The following NEK7 variants were observed in gnomAD, a reference collection of about 807,000 sequenced individuals.
NEK7 encodes the protein serine/threonine-protein kinase Nek7.
NEK7 carries 18 observed loss-of-function variants against 44.6 expected under a neutral mutation model. The ratio of observed to expected loss-of-function variants is 0.40; its 90% CI spans 0.28 to 0.60. The LOEUF is 0.60. NEK7 is among the 20% of genes least tolerant of loss of function. NEK7 has a pLI of 0.38. For missense variants in NEK7, 256 were observed against 366.5 expected (o/e 0.70, Z 2.46); for synonymous variants, 130 against 121.1 (o/e 1.07, Z -0.48).
At chr1:198,312,629 G>C (rs932231018) in intron 9 of NEK7, among the ~76,000 whole-genome samples, 3 of 151,614 alleles carry the variant, frequency 2.0e-5, no homozygotes, top group African/African-American at 4.8e-5. Context: ...AGAGATTCTT[G>C]TATGTTGTGT....
At chr1:198,265,558 A>G (rs1476030890) in intron 5 of NEK7, among the ~76,000 whole-genome samples, 1 of 152,050 alleles carries the variant, frequency 6.6e-6, no homozygotes, top group East Asian at 1.9e-4. Flanking sequence ...CGTCCTTGTG[A>G]TTGGTTAGGA....
chr1:198,158,689 C>A (rs1204457775), intron 1 of NEK7, among the ~76,000 whole-genome samples: 1 of 152,184 alleles, frequency 6.6e-6, no homozygotes, highest in Non-Finnish European at 1.5e-5. Context: ...TGTTGAATGG[C>A]CGCTGAGTAT....
chr1:198,320,995 G>T lies in NEK7; in HGVS notation c.*1473G>T, dbSNP rs1177104545. The T allele has an allele frequency of 6.6e-6, 1 of 152,216 alleles. No individual in the cohort carries two copies. Among genetic ancestry groups the T allele is most frequent in the East Asian group, 1.9e-4 (1 of 5,204 alleles). The allele number at this position is 152,216 out of a possible 1,614,324, so 9.4% of individuals were successfully genotyped here. A position where few individuals can be genotyped will look rare whatever the true frequency, so the allele number is the denominator to read the frequency against. The stretch of plus-strand genomic sequence containing the variant: ...TCTCACAGAATTGTGAAGCCTGAAG[G>T]CCAAGAGGAAGTCACTGTTAAAGGA... On this transcript the variant is annotated 3_prime_UTR_variant, in exon 10 of 10. Transcript: ENST00000367385.
At chr1:198,232,509 G>A (rs1019745999) in intron 1 of NEK7, 44 bp from the exon 2 acceptor site, 1 of 861,306 alleles carries the variant, frequency 1.2e-6, no homozygotes, top group Non-Finnish European at 2.0e-6. Context: ...GATGTGAATT[G>A]GTAATGATTA....
At chr1:198,193,382 A>G (rs1665135092) in intron 1 of NEK7, among the ~76,000 whole-genome samples, 1 of 152,186 alleles carries the variant, frequency 6.6e-6, no homozygotes, top group Admixed American at 6.5e-5. Context: ...TGGGAGGTAC[A>G]AAAAGGAGCT....
chr1:198,161,711 T>C (rs1469634952), intron 1 of NEK7, among the ~76,000 whole-genome samples: 1 of 152,110 alleles, frequency 6.6e-6, no homozygotes, highest in African/African-American at 2.4e-5. Context: ...CATTCTTTGC[T>C]TCTGGAGGAT....
Position 198,321,656 on chromosome 1 carries a change from CTT to C in NEK7, c.*2138_*2139del, listed in dbSNP as rs1655537297. 2.0e-5 allele frequency: 3 copies of C among 152,012 alleles called. No homozygotes were observed. The South Asian group carries it at 6.2e-4, about 31-fold the overall frequency. 9.4% of individuals were successfully genotyped at this position (152,012 alleles called of 1,614,324 possible). On this transcript the variant is annotated 3_prime_UTR_variant, in exon 10 of 10. Transcript: ENST00000367385. ...AATTCATTATTTCTATATGTGGAAA[CTT>C]TTTGCTTCGAATATTGTATCTTTTT...
At chr1:198,162,394 A>G (rs971431554) in intron 1 of NEK7, among the ~76,000 whole-genome samples, 7 of 152,178 alleles carry the variant, frequency 4.6e-5, no homozygotes, top group Non-Finnish European at 1.0e-4. Context: ...TGTGTTTACC[A>G]TGATGTGGAA....
At chr1:198,191,395 C>G (rs771219850) in intron 1 of NEK7, among the ~76,000 whole-genome samples, 1 of 151,858 alleles carries the variant, frequency 6.6e-6, no homozygotes, top group African/African-American at 2.4e-5. Context: ...ATTTGCATCT[C>G]CCTGATTTGT....
At chr1:198,267,228 T>TA (rs1308585469) in intron 5 of NEK7, among the ~76,000 whole-genome samples, 2 of 152,120 alleles carry the variant, frequency 1.3e-5, no homozygotes, top group Non-Finnish European at 2.9e-5. Context: ...AGGTCACTGT[T>TA]ATTTTAAACA....
At chr1:198,267,300 C>T (rs980148892) in intron 5 of NEK7, among the ~76,000 whole-genome samples, 3 of 151,956 alleles carry the variant, frequency 2.0e-5, no homozygotes, top group Admixed American at 6.6e-5. Flanking sequence ...TTCATTCATT[C>T]ATTCAAGAAA....
chr1:198,218,186 T>C (rs181329790), intron 1 of NEK7, among the ~76,000 whole-genome samples: 1 of 152,230 alleles, frequency 6.6e-6, no homozygotes, highest in Non-Finnish European at 1.5e-5. Context: ...AAGGCTGTAG[T>C]AATCCAAACT....
At chr1:198,317,890 T>TTG (rs1655421683) in intron 9 of NEK7, among the ~76,000 whole-genome samples, 2 of 146,396 alleles carry the variant, frequency 1.4e-5, no homozygotes, top group African/African-American at 5.0e-5. Context: ...TTTTTTTTTT[T>TTG]TTTTTTTTTT....
chr1:198,227,374 G>A (rs989334832), intron 1 of NEK7, among the ~76,000 whole-genome samples: 7 of 152,270 alleles, frequency 4.6e-5, no homozygotes, highest in African/African-American at 1.2e-4. Flanking sequence ...AATCCTTTGG[G>A]TATATACCCA....
At chr1:198,167,887 T>C (rs962003010) in intron 1 of NEK7, among the ~76,000 whole-genome samples, 2 of 152,220 alleles carry the variant, frequency 1.3e-5, no homozygotes, top group African/African-American at 4.8e-5. Context: ...TGATAACAAG[T>C]GACAGGCACT....
intron 1 of NEK7, chr1:198,198,038 A>G: frequency 6.6e-7 from 1 of 1,505,306 alleles, no homozygotes; most frequent in Non-Finnish European, 8.9e-7. Flanking sequence ...CCTGGGGGGA[A>G]AGCTGGATTG....
chr1:198,242,811 T>G (rs965321906), intron 2 of NEK7, among the ~76,000 whole-genome samples: 1 of 148,624 alleles, frequency 6.7e-6, no homozygotes, highest in African/African-American at 2.5e-5. Context: ...TATTTTTAAT[T>G]TTTTTTTTTG....
chr1:198,218,749 GC>G (rs1665997981), intron 1 of NEK7, among the ~76,000 whole-genome samples: 1 of 141,500 alleles, frequency 7.1e-6, no homozygotes, highest in Non-Finnish European at 1.5e-5. Flanking sequence ...AAAAAAAAAA[GC>G]ATGAATAGAC....
At chr1:198,169,967 A>G (rs1277245594) in intron 1 of NEK7, among the ~76,000 whole-genome samples, 2 of 152,334 alleles carry the variant, frequency 1.3e-5, no homozygotes, top group Non-Finnish European at 2.9e-5. Flanking sequence ...TACACTTGAC[A>G]GGAGGTCTAG....
Sources: allele counts gnomAD v4.1 joint callset (sites outside exome capture counted in the v4.1 genomes callset), GRCh38; gene constraint gnomAD v4.1.1; transcripts MANE v1.5; gene names NCBI Gene and HGNC (gene_info 2026-07-23, HGNC 2026-07-21).